The following ZNF33B variants were observed in gnomAD, a reference collection of about 807,000 sequenced individuals.
ZNF33B encodes zinc finger protein 11b (KOX 2).
A neutral mutation model predicts 45.8 loss-of-function variants in ZNF33B; 29 were observed. The ratio of observed to expected loss-of-function variants is 0.63; its 90% confidence interval spans 0.47 to 0.86. The LOEUF (loss-of-function observed/expected upper bound fraction) is 0.86. ZNF33B is among the 40% of genes least tolerant of loss of function. The pLI is 0.00. For missense variants in ZNF33B, 831 were observed against 909.9 expected, an observed-to-expected ratio of 0.91 and a Z score of 1.12; for synonymous variants, 305 against 307.8, an observed-to-expected ratio of 0.99 and a Z score of 0.10.
At chr10:42,587,109 T>C (rs1836950935), downstream of ZNF33B, among the ~76,000 whole-genome samples, 1 of 152,186 alleles carries the variant, frequency 6.6e-6, no homozygotes, top group African/African-American at 2.4e-5. Flanking sequence ...TAATCATTCA[T>C]GAGGTGGAGT....
At chr10:42,620,448 G>A (rs1838523341) in intron 4 of ZNF33B, among the ~76,000 whole-genome samples, 1 of 151,960 alleles carries the variant, frequency 6.6e-6, no homozygotes, top group South Asian at 2.1e-4. Context: ...TGTCACCCAG[G>A]CTGGAGTGCA....
chr10:42,631,012 C>G (rs1372808278), intron 4 of ZNF33B, among the ~76,000 whole-genome samples: 1 of 152,144 alleles, frequency 6.6e-6, no homozygotes, highest in Non-Finnish European at 1.5e-5. Context: ...GCAGAATCCT[C>G]ATGGCTCACA....
chr10:42,591,334 C>T lies in ZNF33B; in HGVS notation c.*1279G>A, dbSNP rs1837113431. The T allele has an allele frequency of 1.5e-6, 1 of 650,150 alleles. No homozygotes were observed. The highest frequency in any genetic ancestry group is 1.9e-6 in the Non-Finnish European group (1 of 524,296). 40.3% of individuals were successfully genotyped at this position (650,150 alleles called of 1,614,324 possible). On this transcript the variant is annotated 3_prime_UTR_variant, in exon 5 of 5. Coordinates refer to ENST00000359467, the MANE Select transcript of ZNF33B (RefSeq NM_006955.3). ...AGGCTGGAGTGTTCACATATGTACC[C>T]CAGGCAGTTCATGGCATGGGATGAG...
intron 4 of ZNF33B, among the ~76,000 whole-genome samples, chr10:42,603,877 G>T (rs1466831004): frequency 1.3e-5 from 2 of 152,194 alleles, no homozygotes; most frequent in Non-Finnish European, 2.9e-5. Flanking sequence ...CATCATCAGT[G>T]AGAACCCAAT....
rs750092804 is a variant in ZNF33B, at chr10:42,593,392, T to A, written c.1558A>T (p.Thr520Ser). The change falls in exon 5 of 5, where the codon ACA (threonine) becomes TCA (serine). Residue 520 changes from threonine (T) to serine (S), a missense_variant. By Grantham distance (58) the Thr-to-Ser change is moderately conservative. Transcript: ENST00000359467. Reference sequence around the variant, plus strand: ...TAACATTCATAAGGTTTCAACCCTGTATGAATTATCTGATGCCTGGTGAGT... The same window carrying A: ...TAACATTCATAAGGTTTCAACCCTGAATGAATTATCTGATGCCTGGTGAGT... ...SVLTRHQIIH[T>S]GLKPYECYEC... 1.2e-6 allele frequency: 2 copies of A among 1,614,004 alleles called. No individual in the cohort carries two copies. Among genetic ancestry groups the A allele is most frequent in the Non-Finnish European group, 1.7e-6 (2 of 1,179,982 alleles).
intron 4 of ZNF33B, among the ~76,000 whole-genome samples, chr10:42,606,431 C>T (rs1397718759): frequency 1.3e-5 from 2 of 152,124 alleles, no homozygotes; most frequent in African/African-American, 2.4e-5. Context: ...TGCCACTGCA[C>T]TCCAGCCTGG....
chr10:42,599,060 TAGC>T (rs1440799074), intron 4 of ZNF33B, among the ~76,000 whole-genome samples: 1 of 152,214 alleles, frequency 6.6e-6, no homozygotes, highest in Non-Finnish European at 1.5e-5. Flanking sequence ...CAAGCCGTAA[TAGC>T]TGTTTATTTG....
chr10:42,617,017 T>C (rs1446926383), intron 4 of ZNF33B, among the ~76,000 whole-genome samples: 1 of 151,256 alleles, frequency 6.6e-6, no homozygotes, highest in Admixed American at 6.6e-5. Context: ...TATTAAAGAT[T>C]AAGAAGCTGA....
intron 1 of ZNF33B, among the ~76,000 whole-genome samples, chr10:42,578,293 G>A (rs771295952): frequency 8.5e-5 from 13 of 152,206 alleles, no homozygotes; most frequent in Non-Finnish European, 1.8e-4. Flanking sequence ...CGGTCTGGAG[G>A]GTGGATAAGA....
At chr10:42,615,421 C>A (rs1838273129) in intron 4 of ZNF33B, among the ~76,000 whole-genome samples, 1 of 152,160 alleles carries the variant, frequency 6.6e-6, no homozygotes, top group Non-Finnish European at 1.5e-5. Context: ...CATGCTACAA[C>A]ATGGATGAAC....
chr10:42,576,703 C>T (rs1836753431), intron 1 of ZNF33B, among the ~76,000 whole-genome samples: 1 of 152,058 alleles, frequency 6.6e-6, no homozygotes. Flanking sequence ...GGGTCCTTTC[C>T]CCCAATTTTT....
rs771904267 is a variant in ZNF33B, at chr10:42,600,470, C to CA, written c.251-5772dup. 4.0e-4 allele frequency among the ~76,000 whole-genome samples: 61 copies of CA among 152,266 alleles called. 1 individual carries two copies. The highest frequency in any genetic ancestry group is 7.5e-4 in the Non-Finnish European group (51 of 67,992). ...GTATTCCTGGCTCTGAAAGCTACTT[C>CA]ATCTGGCTGTCACAGCACTGCAGCC... is the stretch of plus-strand genomic sequence containing the variant. On this transcript the variant is annotated intron_variant, in intron 4 of 4. Coordinates refer to ENST00000359467, the MANE Select transcript of ZNF33B (RefSeq NM_006955.3).
intron 2 of ZNF33B, among the ~76,000 whole-genome samples, chr10:42,634,068 A>G (rs1839177753): frequency 6.6e-6 from 1 of 152,340 alleles, no homozygotes; most frequent in East Asian, 1.9e-4. Context: ...ATCAAGAGAA[A>G]ATCAGAAGGA....
At chr10:42,606,200 C>T (rs1017203243) in intron 4 of ZNF33B, among the ~76,000 whole-genome samples, 2 of 151,910 alleles carry the variant, frequency 1.3e-5, no homozygotes, top group African/African-American at 2.4e-5. Context: ...TGTGGTGGCT[C>T]ATGCCTGTAA....
rs531470719 is a variant in ZNF33B, at chr10:42,589,738, T to C, written c.*2875A>G. The C allele has an allele frequency of 1.3e-5, 2 of 152,350 alleles. No individual in the cohort carries two copies. Among genetic ancestry groups the C allele is most frequent in the Non-Finnish European group, 2.9e-5 (2 of 68,034 alleles). 9.4% of individuals were successfully genotyped at this position (152,350 alleles called of 1,614,324 possible). On this transcript the variant is annotated 3_prime_UTR_variant, in exon 5 of 5. Transcript: ENST00000359467. ...TTTTCTACAAAGACAATCATGTTATTTGAGAACAAAGACAGTTGTATTTCC... is the reference window on the plus strand; with the variant it reads ...TTTTCTACAAAGACAATCATGTTATCTGAGAACAAAGACAGTTGTATTTCC...
rs557669125 is a variant in ZNF33B, at chr10:42,590,989, T to A, written c.*1624A>T. On this transcript the variant is annotated 3_prime_UTR_variant, in exon 5 of 5. Transcript: ENST00000359467. The stretch of plus-strand genomic sequence containing the variant: ...TAGTTTTCCAAAGTGGAAGCTTAGA[T>A]TACTTGTGTAATCTAGGGTCACCAG... 7.0e-4 allele frequency: 119 copies of A among 170,760 alleles called. No homozygotes were observed. The highest frequency in any genetic ancestry group is 1.2e-3 in the Non-Finnish European group (103 of 84,828). 10.6% of individuals were successfully genotyped at this position (170,760 alleles called of 1,614,324 possible).
intron 2 of ZNF33B, among the ~76,000 whole-genome samples, chr10:42,635,954 C>T (rs566700585): frequency 6.6e-5 from 10 of 151,800 alleles, no homozygotes; most frequent in Admixed American, 6.6e-4. Context: ...CATGGTGAAA[C>T]CCCGTCTCTA....
chr10:42,594,703 C>T lies in ZNF33B; in HGVS notation c.251-4G>A, dbSNP rs1837322775. 1.3e-6 allele frequency: 2 copies of T among 1,544,026 alleles called. No individual in the cohort carries two copies. The highest frequency in any genetic ancestry group is 1.7e-6 in the Non-Finnish European group (2 of 1,153,046). ...AGGTGATCAGCTGTCCAGACTTCTA[C>T]AAACAAACAAAATTAATCTTACCAT... On this transcript the variant is annotated splice_polypyrimidine_tract_variant and splice_region_variant and intron_variant, in intron 4 of 4. Transcript: ENST00000359467.
intron 1 of ZNF33B, among the ~76,000 whole-genome samples, chr10:42,638,243 G>A (rs117275183): frequency 3.3e-5 from 5 of 152,224 alleles, no homozygotes; most frequent in African/African-American, 7.2e-5. Flanking sequence ...GCCCTCCTCC[G>A]CGGCCCCTAC....
Sources: allele counts gnomAD v4.1 joint callset (sites outside exome capture counted in the v4.1 genomes callset), GRCh38; gene constraint gnomAD v4.1.1; transcripts MANE v1.5; gene names NCBI Gene and HGNC (gene_info 2026-07-23, HGNC 2026-07-21).